Variants in RIN3 observed in about 807,000 individuals in gnomAD.
RIN3 encodes the protein Ras and Rab interactor 3.
A neutral mutation model predicts 76.3 loss-of-function variants in RIN3; 54 were observed. The observed-to-expected ratio is 0.71, with a 90% confidence interval of 0.57 to 0.89. The LOEUF is 0.89. Among genes scored for constraint, RIN3 ranks in the 40% least tolerant of loss-of-function variants. The probability of loss-of-function intolerance (pLI) is 0.00; values close to 1 mark genes in which losing one functional copy is unlikely to be tolerated. For missense variants in RIN3, 1,256 were observed against 1,322.1 expected (o/e 0.95, Z 0.78); for synonymous variants, 576 against 564.0 (o/e 1.02, Z -0.30).
At chr14:92,524,067 A>G (rs1457670951) in intron 1 of RIN3, among the ~76,000 whole-genome samples, 1 of 152,108 alleles carries the variant, frequency 6.6e-6, no homozygotes, top group Non-Finnish European at 1.5e-5. Context: ...GGTGGTGTGC[A>G]CTTGTAGTCA....
At chr14:92,609,418 C>T (rs888982048) in intron 3 of RIN3, among the ~76,000 whole-genome samples, 1 of 152,158 alleles carries the variant, frequency 6.6e-6, no homozygotes, top group Non-Finnish European at 1.5e-5. Flanking sequence ...GTTCTCACAC[C>T]TCACCTCTTG....
intron 1 of RIN3, among the ~76,000 whole-genome samples, chr14:92,526,344 A>G (rs1467183106): frequency 1.3e-5 from 2 of 152,068 alleles, no homozygotes; most frequent in Non-Finnish European, 2.9e-5. Flanking sequence ...CTGTAGTCCC[A>G]GCTACTTGGG....
Position 92,652,760 on chromosome 14 carries a change from C to G in RIN3, c.1711C>G (p.Pro571Ala). 1 of 1,613,938 alleles carries G rather than the reference C, an allele frequency of 6.2e-7. No homozygotes were observed. The highest frequency in any genetic ancestry group is 8.5e-7 in the Non-Finnish European group (1 of 1,180,036). The change falls in exon 6 of 10, where the codon CCC (proline) becomes GCC (alanine). Residue 571 changes from proline to alanine, a missense_variant. Transcript: ENST00000216487. The surrounding 1 kb of genome is among the most constrained non-coding windows in gnomAD (Gnocchi z 6.4). Reference protein sequence around the residue: ...QFSSPSVKKKPSMILGKARHR... With the variant: ...QFSSPSVKKKASMILGKARHR... Reference sequence around the variant, plus strand: ...CAGCAGCCCCAGCGTGAAGAAGAAGCCCTCCATGATCCTGGGCAAGGCTCG... The same window carrying G: ...CAGCAGCCCCAGCGTGAAGAAGAAGGCCTCCATGATCCTGGGCAAGGCTCG...
At chr14:92,515,249 C>A (rs925341471) in intron 1 of RIN3, 3 of 700,284 alleles carry the variant, frequency 4.3e-6, no homozygotes, top group Middle Eastern at 4.6e-4. Flanking sequence ...ACTGGGAATC[C>A]GTTGGGGAAG....
At chr14:92,545,537 GCACTCTTTCTT>G (rs1228636598) in intron 1 of RIN3, among the ~76,000 whole-genome samples, 3 of 86,232 alleles carry the variant, frequency 3.5e-5, no homozygotes. Context: ...TTGCTCGTTT[GCACTCTTTCTT>G]TCTCCCTCTC....
chr14:92,565,350 A>G (rs1300258893), intron 2 of RIN3, among the ~76,000 whole-genome samples: 1 of 152,180 alleles, frequency 6.6e-6, no homozygotes, highest in Non-Finnish European at 1.5e-5. Flanking sequence ...AAGGGGTCCC[A>G]AGCCAGACCC....
At chr14:92,549,289 C>T (rs922908812) in intron 1 of RIN3, among the ~76,000 whole-genome samples, 3 of 152,152 alleles carry the variant, frequency 2.0e-5, no homozygotes, top group Non-Finnish European at 4.4e-5. Context: ...CGCCCCCTGG[C>T]GTGTTCTGGC....
At chr14:92,674,043 A>G (rs145687153) in intron 7 of RIN3, among the ~76,000 whole-genome samples, 2 of 152,224 alleles carry the variant, frequency 1.3e-5, no homozygotes, top group African/African-American at 2.4e-5. Context: ...ATTTTGATAA[A>G]CACATATGGG....
chr14:92,529,848 G>T (rs1459348481), intron 1 of RIN3, among the ~76,000 whole-genome samples: 2 of 152,310 alleles, frequency 1.3e-5, no homozygotes, highest in East Asian at 3.9e-4. Context: ...TGTTAGATAA[G>T]CCTTATTCAG....
intron 1 of RIN3, among the ~76,000 whole-genome samples, chr14:92,522,401 C>A (rs1478971105): frequency 1.3e-5 from 2 of 151,698 alleles, no homozygotes; most frequent in Admixed American, 6.6e-5. Context: ...ACAGACACAC[C>A]CAAAACAGGG....
intron 7 of RIN3, among the ~76,000 whole-genome samples, chr14:92,662,630 G>A (rs1484597376): frequency 6.6e-6 from 1 of 152,182 alleles, no homozygotes; most frequent in Non-Finnish European, 1.5e-5. Flanking sequence ...TTTCTAATTA[G>A]GGAAATCGTT....
In RIN3 at chr14:92,664,086, A is replaced by G. The variant is rs533054000; in HGVS notation, c.2335+4617A>G. ...CAGAAGCTGAACTCAGTGGTTTTCA[A>G]GATGGATTCCCCAAGGCACCCCAGG... On this transcript the variant is annotated intron_variant, in intron 7 of 9. Transcript: ENST00000216487. Among the ~76,000 whole-genome samples, 359 of 152,300 alleles carry G rather than the reference A, an allele frequency of 2.4e-3. 1 individual carries two copies. The highest frequency in any genetic ancestry group is 4.0e-3 in the Non-Finnish European group (270 of 68,016).
At chr14:92,647,156 G>A (rs1887231040) in intron 5 of RIN3, among the ~76,000 whole-genome samples, 1 of 152,204 alleles carries the variant, frequency 6.6e-6, no homozygotes, top group Non-Finnish European at 1.5e-5. Context: ...TTGAGATAGG[G>A]ATGATGTTGC....
chr14:92,599,290 A>G (rs1353737715), intron 3 of RIN3, among the ~76,000 whole-genome samples: 1 of 152,056 alleles, frequency 6.6e-6, no homozygotes, highest in African/African-American at 2.4e-5. Flanking sequence ...GAGGATGAAG[A>G]CCAGAGGAAG....
chr14:92,646,233 G>A (rs531480717), intron 5 of RIN3, among the ~76,000 whole-genome samples: 41 of 152,176 alleles, frequency 2.7e-4, no homozygotes, highest in African/African-American at 8.2e-4. Context: ...ACCACTTCCC[G>A]CCCCTCGGCC....
chr14:92,668,754 C>T (rs1888191694), intron 7 of RIN3, among the ~76,000 whole-genome samples: 1 of 152,200 alleles, frequency 6.6e-6, no homozygotes, highest in African/African-American at 2.4e-5. Flanking sequence ...ACAGACATAG[C>T]TGGGGGCCGC....
intron 3 of RIN3, among the ~76,000 whole-genome samples, chr14:92,607,856 C>A (rs924904751): frequency 6.6e-6 from 1 of 152,214 alleles, no homozygotes; most frequent in Non-Finnish European, 1.5e-5. Context: ...AGGCAATGAA[C>A]TGTTGATTCA....
At chr14:92,657,421 T>C (rs896518785) in intron 6 of RIN3, among the ~76,000 whole-genome samples, 1 of 150,550 alleles carries the variant, frequency 6.6e-6, no homozygotes, top group Non-Finnish European at 1.5e-5. Flanking sequence ...GCTTCTGGTT[T>C]GATTAGGGAG....
Position 92,685,487 on chromosome 14 carries a change from C to T in RIN3, c.2631+337C>T, listed in dbSNP as rs1888820790. 1 of 260,888 alleles carries T rather than the reference C, an allele frequency of 3.8e-6. No individual in the cohort carries two copies. Among genetic ancestry groups the T allele is most frequent in the African/African-American group, 2.1e-5 (1 of 46,762 alleles). 16.2% of individuals were successfully genotyped at this position (260,888 alleles called of 1,614,324 possible). On this transcript the variant is annotated intron_variant, in intron 9 of 9. Coordinates refer to ENST00000216487, the MANE Select transcript of RIN3 (RefSeq NM_024832.5). The surrounding 1 kb of genome is among the most constrained non-coding windows in gnomAD (Gnocchi z 4.7). ...GGCTGGAGATGGGGACTTGTCATCC[C>T]AGTCCCTGCTTTAAGGAGCCCACAG...
Sources: allele counts gnomAD v4.1 joint callset (sites outside exome capture counted in the v4.1 genomes callset), GRCh38; gene constraint gnomAD v4.1.1; non-coding constraint Gnocchi (gnomAD v3.1); transcripts MANE v1.5; gene names NCBI Gene and HGNC (gene_info 2026-07-23, HGNC 2026-07-21).